MAU2: variants seen among roughly 807,000 people sequenced by gnomAD.
MAU2 encodes MAU2 chromatid cohesion factor homolog.
A neutral mutation model predicts 89.1 loss-of-function variants in MAU2; 9 were observed. That is an observed-to-expected ratio of 0.10 (90% CI 0.06 to 0.18). The LOEUF is 0.18. Ranked by LOEUF, MAU2 falls within the 10% of genes least tolerant of loss-of-function variation. The pLI, the probability that MAU2 is intolerant of heterozygous loss-of-function variation, is 1.00. For missense variants in MAU2, 425 were observed against 803.5 expected (o/e 0.53, Z 5.69); for synonymous variants, 357 against 343.4 (o/e 1.04, Z -0.44).
At chr19:19,325,823 T>A (rs2061499566) in intron 1 of MAU2, among the ~76,000 whole-genome samples, 1 of 152,212 alleles carries the variant, frequency 6.6e-6, no homozygotes, top group Non-Finnish European at 1.5e-5. Flanking sequence ...ACATAAGTGC[T>A]TAGGTAAAAC....
At chr19:19,325,279 G>A (rs914059382) in intron 1 of MAU2, among the ~76,000 whole-genome samples, 1 of 152,030 alleles carries the variant, frequency 6.6e-6, no homozygotes, top group Non-Finnish European at 1.5e-5. Context: ...GGGTTCAAGC[G>A]AGTCTCCTGC....
At position 19,321,077 on chromosome 19, in the gene MAU2, C is replaced by G. The variant is rs1020067978; in HGVS notation, c.218C>G (p.Ser73Cys). The G allele has an allele frequency of 6.2e-7, 1 of 1,611,826 alleles. No individual in the cohort carries two copies. Among genetic ancestry groups the G allele is most frequent in the Non-Finnish European group, 8.5e-7 (1 of 1,179,256 alleles). Reference sequence around the variant, plus strand: ...GCCCGTACACACCTGCAGCTGGGCTCCGTTCTCTATCACCACACCAAGAAC... The same window carrying G: ...GCCCGTACACACCTGCAGCTGGGCTGCGTTCTCTATCACCACACCAAGAAC... Reference protein sequence around the residue: ...IEARTHLQLGSVLYHHTKNSE... With the variant: ...IEARTHLQLGCVLYHHTKNSE... The change falls in exon 1 of 19, where the codon TCC becomes TGC. Residue 73 changes from serine (S) to cysteine (C), a missense_variant. This residue lies in a region of MAU2 where 57 missense variants were observed against 57.5 expected (regional missense o/e 0.99). Coordinates refer to ENST00000262815, the MANE Select transcript of MAU2 (RefSeq NM_015329.4).
chr19:19,330,898 C>T (rs1283869705), intron 1 of MAU2, among the ~76,000 whole-genome samples: 1 of 151,910 alleles, frequency 6.6e-6, no homozygotes, highest in Non-Finnish European at 1.5e-5. Context: ...CTAAAAACTA[C>T]AATCAAAAAA....
intron 10 of MAU2, chr19:19,344,157 A>G: frequency 1.9e-6 from 1 of 534,196 alleles, no homozygotes; most frequent in Non-Finnish European, 3.4e-6. Context: ...CACGCCTGTC[A>G]TCCCAGCAGT....
chr19:19,333,916 C>G (rs992009624), intron 1 of MAU2, among the ~76,000 whole-genome samples: 1 of 152,158 alleles, frequency 6.6e-6, no homozygotes, highest in African/African-American at 2.4e-5. Context: ...AAGAGCTCCC[C>G]CTTGCCAGCC....
rs1046740672 is a variant in MAU2 at position 19,343,902 on chromosome 19, C to T, written c.1039C>T (p.Arg347Cys). The change falls in exon 10 of 19, where the codon CGC (arginine) becomes TGC (cysteine). Residue 347 changes from arginine to cysteine, a missense_variant. Arg to Cys is a radical substitution (Grantham distance 180, BLOSUM62 -3). Transcript: ENST00000262815. ...CCTGCTGGAGCACATCATCATGTGC[C>T]GCCTTGTCACGGGTCACAAGGCCAC... ...VILLEHIIMCRLVTGHKATAL... is the reference protein window; with the variant it reads ...VILLEHIIMCCLVTGHKATAL... 2 of 1,613,306 alleles carry T rather than the reference C, an allele frequency of 1.2e-6. No individual in the cohort carries two copies. Among genetic ancestry groups the T allele is most frequent in the African/African-American group, 1.3e-5 (1 of 75,046 alleles).
At chr19:19,349,542 C>A (rs982545494) in intron 16 of MAU2, 106 bp downstream of exon 16, 2 of 973,586 alleles carry the variant, frequency 2.1e-6, no homozygotes, top group South Asian at 1.3e-5. Context: ...TCATCCTATG[C>A]CCCTCGAAGA....
chr19:19,341,115 C>A, intron 6 of MAU2, 137 bp from the exon 7 acceptor site: 1 of 1,110,336 alleles, frequency 9.0e-7, no homozygotes, highest in Non-Finnish European at 1.3e-6. Flanking sequence ...GCTGCCTGGG[C>A]TGGGGTTTCA....
Position 19,341,302 on chromosome 19 carries a change from C to T in MAU2, c.630C>T (p.Leu210=). 1 of 1,613,214 alleles carries T rather than the reference C, an allele frequency of 6.2e-7. No individual in the cohort carries two copies. Among genetic ancestry groups the T allele is most frequent in the Non-Finnish European group, 8.5e-7 (1 of 1,180,004 alleles). ...KLQEVHPLLT[L]CGQIVENWQG... ...AGGAGGTGCACCCGCTGCTGACCCT[C>T]TGCGGGCAGATCGTGGAGAACTGGC... Residue 210 remains leucine, a synonymous_variant, in exon 7 of 19, where the codon CTC becomes CTT. Coordinates refer to ENST00000262815, the MANE Select transcript of MAU2 (RefSeq NM_015329.4).
At chr19:19,321,270 C>A in intron 1 of MAU2, 135 bp downstream of exon 1, 1 of 1,072,840 alleles carries the variant, frequency 9.3e-7, no homozygotes, top group Non-Finnish European at 1.3e-6. Flanking sequence ...GCCGCAGGAC[C>A]CCCACCCGCC....
intron 1 of MAU2, among the ~76,000 whole-genome samples, chr19:19,323,842 T>C (rs1379093557): frequency 6.6e-6 from 1 of 152,238 alleles, no homozygotes; most frequent in Non-Finnish European, 1.5e-5. Context: ...GGAGGCATTA[T>C]GGGCCCAGAG....
chr19:19,331,246 T>C (rs558979845), intron 1 of MAU2, among the ~76,000 whole-genome samples: 2 of 151,230 alleles, frequency 1.3e-5, no homozygotes, highest in South Asian at 4.2e-4. Flanking sequence ...ACACCTGTAA[T>C]CCCAGCACTT....
intron 1 of MAU2, among the ~76,000 whole-genome samples, chr19:19,322,510 G>T (rs908951871): frequency 1.3e-5 from 2 of 152,202 alleles, no homozygotes; most frequent in Non-Finnish European, 2.9e-5. Flanking sequence ...GAGGTGGGAG[G>T]ATCAGCTAAG....
At chr19:19,326,156 A>G (rs2061502589) in intron 1 of MAU2, among the ~76,000 whole-genome samples, 1 of 152,058 alleles carries the variant, frequency 6.6e-6, no homozygotes, top group Admixed American at 6.6e-5. Flanking sequence ...GTGTGTCACC[A>G]TGCCTGGCCC....
In MAU2 at chr19:19,349,288, G is replaced by A. The variant is rs143447773; in HGVS notation, c.1437-37G>A. On this transcript the variant is annotated intron_variant, in intron 15 of 18. Coordinates refer to ENST00000262815, the MANE Select transcript of MAU2 (RefSeq NM_015329.4). ...CCATGCTCAGGGTAGCCCAGGCCCC[G>A]TCCTGCAGTTATCAGCGTCCATGTT... is the stretch of plus-strand genomic sequence containing the variant. 9.4e-5 allele frequency: 152 copies of A among 1,613,722 alleles called. No homozygotes were observed. In the African/African-American group the frequency reaches 1.2e-3, roughly 12 times the overall value.
chr19:19,321,868 C>T (rs1391663684), intron 1 of MAU2: 2 of 152,194 alleles, frequency 1.3e-5, no homozygotes, highest in African/African-American at 4.8e-5. Context: ...CCACTGGTGA[C>T]TTCTACCATC....
intron 16 of MAU2, among the ~76,000 whole-genome samples, chr19:19,350,302 A>AG (rs1183349956): frequency 7.0e-6 from 1 of 143,524 alleles, no homozygotes; most frequent in African/African-American, 2.6e-5. Context: ...TCTCAGAAAA[A>AG]AAAAAAAAAG....
chr19:19,357,817 T>C lies in MAU2; in HGVS notation c.*2035T>C, dbSNP rs2048196601. On this transcript the variant is annotated 3_prime_UTR_variant, in exon 19 of 19. Transcript: ENST00000262815. Reference sequence around the variant, plus strand: ...TCATGTGCATGTGTGTGTGTGCGTGTGTGCAAGCTTTGAACCTCCTTCCAC... The same window carrying C: ...TCATGTGCATGTGTGTGTGTGCGTGCGTGCAAGCTTTGAACCTCCTTCCAC... 1 of 152,118 alleles carries C rather than the reference T, an allele frequency of 6.6e-6. No individual in the cohort carries two copies. Among genetic ancestry groups the C allele is most frequent in the Admixed American group, 6.6e-5 (1 of 15,236 alleles). 9.4% of individuals were successfully genotyped at this position (152,118 alleles called of 1,614,324 possible). A position where few individuals can be genotyped will look rare whatever the true frequency, so the allele number is the denominator to read the frequency against.
At chr19:19,334,056 C>T (rs2061577341) in intron 1 of MAU2, 1 of 513,412 alleles carries the variant, frequency 1.9e-6, no homozygotes. Context: ...TGGTGGCCTT[C>T]CAGAGCTTCT....
Sources: allele counts gnomAD v4.1 joint callset (sites outside exome capture counted in the v4.1 genomes callset), GRCh38; gene constraint gnomAD v4.1.1; regional missense constraint gnomAD v4.1.1; transcripts MANE v1.5; gene names NCBI Gene and HGNC (gene_info 2026-07-23, HGNC 2026-07-21).